The following FUBP1 variants were observed in gnomAD, a reference collection of about 807,000 sequenced individuals.
The protein encoded by FUBP1 is far upstream element-binding protein 1.
A neutral mutation model predicts 94.9 loss-of-function variants in FUBP1; 16 were observed. The ratio of observed to expected loss-of-function variants is 0.17; its 90% CI spans 0.11 to 0.26. The LOEUF is 0.26. Among genes scored for constraint, FUBP1 ranks in the 10% least tolerant of loss-of-function variants. The pLI is 1.00. For missense variants in FUBP1, 583 were observed against 808.6 expected (o/e 0.72, Z 3.38); for synonymous variants, 279 against 254.9 (o/e 1.09, Z -0.90).
At chr1:77,974,320 G>A (rs1658193057) in intron 1 of FUBP1, among the ~76,000 whole-genome samples, 1 of 151,956 alleles carries the variant, frequency 6.6e-6, no homozygotes. Flanking sequence ...TTTTAGTAGA[G>A]ACGGGGTTTC....
intron 1 of FUBP1, among the ~76,000 whole-genome samples, chr1:77,976,179 T>A (rs1658558345): frequency 1.3e-5 from 2 of 152,218 alleles, no homozygotes; most frequent in South Asian, 4.1e-4. Context: ...AATATTCTCT[T>A]AAATACACAA....
rs1235712854 is a variant in FUBP1, at chr1:77,979,045, C to A, written c.-41G>T. On this transcript the variant is annotated 5_prime_UTR_variant, in exon 1 of 20. Transcript: ENST00000370768. ...GCCGCTGCCGCCTGTTCAGAGACTT[C>A]CTCTCAGCTAACAGCTAAGAAAGAA... is the stretch of plus-strand genomic sequence containing the variant. The A allele has an allele frequency of 6.4e-7, 1 of 1,563,196 alleles. No homozygotes were observed. Among genetic ancestry groups the A allele is most frequent in the Admixed American group, 1.9e-5 (1 of 52,908 alleles).
chr1:77,965,711 A>G (rs2102408157), intron 7 of FUBP1, among the ~76,000 whole-genome samples: 1 of 152,372 alleles, frequency 6.6e-6, no homozygotes, highest in East Asian at 1.9e-4. Context: ...TAAATAAGTA[A>G]AAATAACATG....
At chr1:77,971,806 G>A (rs542049935) in intron 1 of FUBP1, among the ~76,000 whole-genome samples, 2 of 151,732 alleles carry the variant, frequency 1.3e-5, no homozygotes, top group African/African-American at 4.8e-5. Flanking sequence ...TCAGGAGTTC[G>A]AGACCAGCCT....
In FUBP1 at chr1:77,946,134, C is replaced by A. The variant is rs530982150; in HGVS notation, c.*2632G>T. On this transcript the variant is annotated 3_prime_UTR_variant, in exon 20 of 20. Coordinates refer to ENST00000370768, the MANE Select transcript of FUBP1 (RefSeq NM_003902.5). The stretch of plus-strand genomic sequence containing the variant: ...GAGGGCAAAGAAATTTTCTGTCCAT[C>A]ATATAAAACAGATTGTGAAGGCTGT... Among the ~76,000 whole-genome samples the A allele has an allele frequency of 6.6e-6, 1 of 151,862 alleles. No homozygotes were observed. The highest frequency in any genetic ancestry group is 2.1e-4 in the South Asian group (1 of 4,820).
At chr1:77,960,796 ATC>A (rs1655319554) in intron 14 of FUBP1, 1 of 268,994 alleles carries the variant, frequency 3.7e-6, no homozygotes, top group African/African-American at 2.3e-5. Context: ...CTTTCCTTTT[ATC>A]ATTCTTACTT....
intron 1 of FUBP1, among the ~76,000 whole-genome samples, chr1:77,976,536 C>G (rs1381408271): frequency 6.7e-6 from 1 of 150,014 alleles, no homozygotes; most frequent in African/African-American, 2.4e-5. Context: ...GCTCTATGAC[C>G]AGGCTGGAGT....
intron 1 of FUBP1, among the ~76,000 whole-genome samples, chr1:77,975,028 A>T (rs1441295382): frequency 1.3e-5 from 2 of 152,220 alleles, no homozygotes; most frequent in African/African-American, 2.4e-5. Flanking sequence ...TAAATTACTT[A>T]TAATACCTGA....
In FUBP1 at chr1:77,946,198, C is replaced by G. The variant is rs1652121940; in HGVS notation, c.*2568G>C. On this transcript the variant is annotated 3_prime_UTR_variant, in exon 20 of 20. Transcript: ENST00000370768. ...CAAGTGATTTCCTAAATCTTGAAAA[C>G]TGTGTAATTGTCCTTTCTTAATATT... Among the ~76,000 whole-genome samples the G allele has an allele frequency of 2.0e-5, 3 of 151,758 alleles. No individual in the cohort carries two copies. The highest frequency in any genetic ancestry group is 2.0e-4 in the Admixed American group (3 of 15,236).
Position 77,960,419 on chromosome 1 carries a change from G to C in FUBP1, c.1421C>G (p.Pro474Arg), listed in dbSNP as rs745845406. ...GVPGPHGPPG[P>R]PGPGTPMGPY... ...TCCCATTGGAGTTCCAGGCCCTGGA[G>C]GCCCAGGAGGTCCATGGGGGCCTGG... The change falls in exon 15 of 20, where the codon CCT becomes CGT. Residue 474 changes from proline to arginine, a missense_variant. By Grantham distance (103) the Pro-to-Arg change is moderately radical. Coordinates refer to ENST00000370768, the MANE Select transcript of FUBP1 (RefSeq NM_003902.5). 1.3e-6 allele frequency: 2 copies of C among 1,593,572 alleles called. No homozygotes were observed. The highest frequency in any genetic ancestry group is 1.9e-5 in the Admixed American group (1 of 53,030).
At chr1:77,966,999 A>G (rs1165647287) in intron 5 of FUBP1, 44 bp from the exon 6 acceptor site, 2 of 1,545,404 alleles carry the variant, frequency 1.3e-6, no homozygotes, top group East Asian at 2.2e-5. Flanking sequence ...GAAAGATTCT[A>G]AAGTATGTTT....
In FUBP1 at chr1:77,964,860, T is replaced by A. The variant is rs1208162997; in HGVS notation, c.735+10A>T. The A allele has an allele frequency of 6.4e-7, 1 of 1,571,724 alleles. No homozygotes were observed. Among genetic ancestry groups the A allele is most frequent in the Non-Finnish European group, 8.8e-7 (1 of 1,141,462 alleles). Reference sequence around the variant, plus strand: ...CACTCTTTCTTTATAAAGTATAAAGTTAAGTTTACTTGAACTTTATATGGG... The same window carrying A: ...CACTCTTTCTTTATAAAGTATAAAGATAAGTTTACTTGAACTTTATATGGG... On this transcript the variant is annotated intron_variant, in intron 9 of 19. Coordinates refer to ENST00000370768, the MANE Select transcript of FUBP1 (RefSeq NM_003902.5).
intron 1 of FUBP1, among the ~76,000 whole-genome samples, chr1:77,975,227 G>A (rs967170725): frequency 1.1e-4 from 17 of 152,158 alleles, no homozygotes; most frequent in African/African-American, 2.4e-5. Context: ...TAAATGTTGA[G>A]TACCTACTAT....
intron 7 of FUBP1, among the ~76,000 whole-genome samples, chr1:77,966,305 A>G (rs1388959512): frequency 1.3e-5 from 2 of 152,180 alleles, no homozygotes; most frequent in African/African-American, 4.8e-5. Flanking sequence ...GGGGAAATAC[A>G]GTATTAAAGA....
chr1:77,960,633 C>T, intron 14 of FUBP1, 138 bp from the exon 15 acceptor site: 1 of 629,394 alleles, frequency 1.6e-6, no homozygotes, highest in Non-Finnish European at 2.6e-6. Context: ...TTTCCTCATT[C>T]ATTTTGCAAA....
In FUBP1 at chr1:77,964,168, A is replaced by C. The variant is rs760431476; in HGVS notation, c.941-6T>G. On this transcript the variant is annotated splice_polypyrimidine_tract_variant and splice_region_variant and intron_variant, in intron 11 of 19. Transcript: ENST00000370768. ...TTCGGGTGTTGTCCCATCATCTTCA[A>C]AACAAAGAAACAAAATTAATTAAAC... 3.2e-6 allele frequency: 5 copies of C among 1,585,144 alleles called. No homozygotes were observed. The highest frequency in any genetic ancestry group is 4.3e-6 in the Non-Finnish European group (5 of 1,153,616).
intron 18 of FUBP1, among the ~76,000 whole-genome samples, chr1:77,952,112 A>C (rs931973356): frequency 3.3e-5 from 5 of 152,138 alleles, no homozygotes; most frequent in African/African-American, 1.2e-4. Context: ...CTGAAATCTT[A>C]TCAAGATTTT....
intron 16 of FUBP1, among the ~76,000 whole-genome samples, chr1:77,959,392 G>A (rs1366728244): frequency 1.3e-5 from 2 of 152,088 alleles, no homozygotes; most frequent in East Asian, 1.9e-4. Context: ...TTAGCATGCA[G>A]TTATTAAATA....
At position 77,965,966 on chromosome 1, in the gene FUBP1, G is replaced by A. The variant is rs142389918; in HGVS notation, c.473+728C>T. On this transcript the variant is annotated intron_variant, in intron 7 of 19. Coordinates refer to ENST00000370768, the MANE Select transcript of FUBP1 (RefSeq NM_003902.5). ...CGGGAGGCGGAGGTTGCAGTGAGCC[G>A]AGATCGTGCCCCTGCACTCCAGCCT... Among the ~76,000 whole-genome samples the A allele has an allele frequency of 3.4e-3, 516 of 152,286 alleles. 6 individuals are homozygous for A. The highest frequency in any genetic ancestry group is 0.024 in the East Asian group (125 of 5,170).
Sources: gnomAD v4.1 joint callset for allele counts (sites outside exome capture counted in the v4.1 genomes callset) on GRCh38, gnomAD v4.1.1 for gene constraint, MANE v1.5 for transcripts, NCBI Gene and HGNC (gene_info 2026-07-23, HGNC 2026-07-21) for gene names.